Variants in SOST observed in about 807,000 individuals in gnomAD.
SOST encodes sclerostin, also known as sclerosteosis.
SOST carries 14 observed loss-of-function variants against 16.7 expected under a neutral mutation model. The ratio of observed to expected loss-of-function variants is 0.84; its 90% CI spans 0.55 to 1.31. The LOEUF (loss-of-function observed/expected upper bound fraction) is 1.31. SOST is among the 50% of genes most tolerant of loss of function. SOST has a pLI of 0.00. For missense variants in SOST, 291 were observed against 310.7 expected, an observed-to-expected ratio of 0.94 and a Z score of 0.48; for synonymous variants, 150 against 140.9, an observed-to-expected ratio of 1.06 and a Z score of -0.46.
intron 1 of SOST, among the ~76,000 whole-genome samples, chr17:43,756,494 T>C (rs1478288142): frequency 6.6e-6 from 1 of 152,160 alleles, no homozygotes; most frequent in Non-Finnish European, 1.5e-5. Flanking sequence ...AGAAAAGAAC[T>C]TGCCCAAAAG....
At chr17:43,756,094 A>G (rs1974128129) in intron 1 of SOST, among the ~76,000 whole-genome samples, 1 of 152,256 alleles carries the variant, frequency 6.6e-6, no homozygotes, top group Non-Finnish European at 1.5e-5. Context: ...TTAATCCATT[A>G]CACACGCAAT....
In SOST at chr17:43,758,564, C is replaced by T. The variant is rs1286080574; in HGVS notation, c.178G>A (p.Glu60Lys). Residue 60 changes from glutamate to lysine, a missense_variant, in exon 1 of 2, where the codon GAG becomes AAG. By Grantham distance (56) the Glu-to-Lys change is moderately conservative. Coordinates refer to ENST00000301691, the MANE Select transcript of SOST (RefSeq NM_025237.3). The stretch of plus-strand genomic sequence containing the variant: ...TGGTGGGGAGGCCGCCCTCCGTTCT[C>T]CGCCCGGTTCATGGTCTTGTTGTTC... Reference protein sequence around the residue: ...LENNKTMNRAENGGRPPHHPF... With the variant: ...LENNKTMNRAKNGGRPPHHPF... 2.5e-6 allele frequency: 4 copies of T among 1,614,188 alleles called. No homozygotes were observed. Among genetic ancestry groups the T allele is most frequent in the South Asian group, 1.1e-5 (1 of 91,088 alleles).
intron 1 of SOST, among the ~76,000 whole-genome samples, chr17:43,757,947 AG>A: frequency 6.6e-6 from 1 of 152,176 alleles, no homozygotes; most frequent in East Asian, 1.9e-4. Context: ...GCTATCTTGC[AG>A]TTGGATCAAA....
At position 43,758,554 on chromosome 17, in the gene SOST, C is replaced by T; in HGVS notation, c.188G>A (p.Gly63Glu). ...NKTMNRAENGGRPPHHPFETK... is the reference protein window; with the variant it reads ...NKTMNRAENGERPPHHPFETK... ...CTCAAAGGGGTGGTGGGGAGGCCGC[C>T]CTCCGTTCTCCGCCCGGTTCATGGT... The change falls in exon 1 of 2, where the codon GGG becomes GAG. Residue 63 changes from glycine to glutamate, a missense_variant. Transcript: ENST00000301691. 1.2e-6 allele frequency: 2 copies of T among 1,614,158 alleles called. No individual in the cohort carries two copies. The highest frequency in any genetic ancestry group is 1.1e-5 in the South Asian group (1 of 91,088).
chr17:43,755,680 C>T lies in SOST; in HGVS notation c.304G>A (p.Glu102Lys). 2 of 1,567,728 alleles carry T rather than the reference C, an allele frequency of 1.3e-6. No homozygotes were observed. The highest frequency in any genetic ancestry group is 1.2e-5 in the South Asian group (1 of 86,620). Residue 102 changes from glutamate to lysine, a missense_variant, in exon 2 of 2, where the codon GAG becomes AAG. Physicochemically the swap from Glu to Lys is moderately conservative, Grantham distance 56 (BLOSUM62 1). Transcript: ENST00000301691. The surrounding 1 kb of genome is among the most constrained non-coding windows in gnomAD (Gnocchi z 4.3). ...CCGCACTGGCCGGAGCACACCAGCT[C>T]GGTGACCGGCTTGGCGCTGCGGCAC... ...GPCRSAKPVTELVCSGQCGPA... is the reference protein window; with the variant it reads ...GPCRSAKPVTKLVCSGQCGPA...
In SOST at chr17:43,755,734, G is replaced by A. The variant is rs775651591; in HGVS notation, c.250C>T (p.His84Tyr). The A allele has an allele frequency of 4.4e-6, 7 of 1,579,226 alleles. No homozygotes were observed. The highest frequency in any genetic ancestry group is 6.0e-6 in the Non-Finnish European group (7 of 1,171,244). Residue 84 changes from histidine (H) to tyrosine (Y), a missense_variant, in exon 2 of 2, where the codon CAC becomes TAC. Coordinates refer to ENST00000301691, the MANE Select transcript of SOST (RefSeq NM_025237.3). The surrounding 1 kb of genome is among the most constrained non-coding windows in gnomAD (Gnocchi z 4.3). ...CCATCGGTCACGTAGCGGGTGAAGT[G>A]CAGCTCGCGGCAGCTGTACTCGGAC... Reference protein sequence around the residue: ...DVSEYSCRELHFTRYVTDGPC... With the variant: ...DVSEYSCRELYFTRYVTDGPC...
At position 43,758,581 on chromosome 17, in the gene SOST, T is replaced by A; in HGVS notation, c.161A>T (p.Lys54Met). 1 of 1,614,002 alleles carries A rather than the reference T, an allele frequency of 6.2e-7. No homozygotes were observed. Among genetic ancestry groups the A allele is most frequent in the Non-Finnish European group, 8.5e-7 (1 of 1,179,888 alleles). Residue 54 changes from lysine (K) to methionine (M), a missense_variant, in exon 1 of 2, where the codon AAG becomes ATG. Transcript: ENST00000301691. ...TCCGTTCTCCGCCCGGTTCATGGTCTTGTTGTTCTCCAGCTCCGGTGGAGG... is the reference window on the plus strand; with the variant it reads ...TCCGTTCTCCGCCCGGTTCATGGTCATGTTGTTCTCCAGCTCCGGTGGAGG... ...PEPPPELENN[K>M]TMNRAENGGR...
chr17:43,756,158 T>C (rs560762158), intron 1 of SOST, among the ~76,000 whole-genome samples: 1 of 152,334 alleles, frequency 6.6e-6, no homozygotes, highest in African/African-American at 2.4e-5. Flanking sequence ...TTATGTATTA[T>C]TATTATCATT....
At chr17:43,757,056 G>A (rs1399789855) in intron 1 of SOST, among the ~76,000 whole-genome samples, 1 of 152,206 alleles carries the variant, frequency 6.6e-6, no homozygotes, top group Non-Finnish European at 1.5e-5. Context: ...CACTGCCATC[G>A]TCTGGGGCTG....
rs779644262 is a variant in SOST, at chr17:43,755,339, G to A, written c.*3C>T. Reference sequence around the variant, plus strand: ...CGCCGGTGGGGAGGGGCGCGGGCGGGCTCTAGTAGGCGTTCTCCAGCTCGG... The same window carrying A: ...CGCCGGTGGGGAGGGGCGCGGGCGGACTCTAGTAGGCGTTCTCCAGCTCGG... On this transcript the variant is annotated 3_prime_UTR_variant, in exon 2 of 2. Coordinates refer to ENST00000301691, the MANE Select transcript of SOST (RefSeq NM_025237.3). This position sits in a 1 kb window ranked among gnomAD's most constrained non-coding sequence, Gnocchi z 4.3. 5.1e-6 allele frequency: 8 copies of A among 1,566,496 alleles called. No individual in the cohort carries two copies. Among genetic ancestry groups the A allele is most frequent in the South Asian group, 2.3e-5 (2 of 86,858 alleles).
chr17:43,756,701 A>G (rs570920774), intron 1 of SOST, among the ~76,000 whole-genome samples: 4 of 152,222 alleles, frequency 2.6e-5, no homozygotes, highest in African/African-American at 9.6e-5. Context: ...CAGCTGCCAC[A>G]AACATTGACC....
In SOST at chr17:43,755,214, G is replaced by A; in HGVS notation, c.*128C>T. The A allele has an allele frequency of 1.0e-6, 1 of 982,490 alleles. No homozygotes were observed. The highest frequency in any genetic ancestry group is 1.4e-6 in the Non-Finnish European group (1 of 709,436). 60.9% of individuals were successfully genotyped at this position (982,490 alleles called of 1,614,324 possible). A position where few individuals can be genotyped will look rare whatever the true frequency, so the allele number is the denominator to read the frequency against. On this transcript the variant is annotated 3_prime_UTR_variant, in exon 2 of 2. Transcript: ENST00000301691. The surrounding 1 kb of genome is among the most constrained non-coding windows in gnomAD (Gnocchi z 4.3). ...ATTCCTCAGGGCCTGGAAGGTCTCA[G>A]CCCCCTGCCCTGGGTTGCAGGCATT...
At chr17:43,758,062 T>G (rs1974149984) in intron 1 of SOST, among the ~76,000 whole-genome samples, 1 of 152,158 alleles carries the variant, frequency 6.6e-6, no homozygotes, top group South Asian at 2.1e-4. Context: ...TTCCATGATG[T>G]GGGTCTGTGT....
chr17:43,755,618 G>C lies in SOST; in HGVS notation c.366C>G (p.Gly122=). Residue 122 remains glycine (G), a synonymous_variant, in exon 2 of 2, where the codon GGC becomes GGG. Transcript: ENST00000301691. This position sits in a 1 kb window ranked among gnomAD's most constrained non-coding sequence, Gnocchi z 4.3. The part of the protein sequence containing the change: ...ARLLPNAIGR[G]KWWRPSGPDF... The stretch of plus-strand genomic sequence containing the variant: ...CGGGCCCACTAGGTCGCCACCACTT[G>C]CCGCGGCCGATGGCGTTGGGCAGCA... The C allele has an allele frequency of 1.3e-6, 2 of 1,584,704 alleles. No individual in the cohort carries two copies. The highest frequency in any genetic ancestry group is 1.7e-6 in the Non-Finnish European group (2 of 1,172,302).
chr17:43,755,340 C>T lies in SOST; in HGVS notation c.*2G>A. 1 of 1,569,042 alleles carries T rather than the reference C, an allele frequency of 6.4e-7. No homozygotes were observed. The highest frequency in any genetic ancestry group is 8.6e-7 in the Non-Finnish European group (1 of 1,168,320). The stretch of plus-strand genomic sequence containing the variant: ...GCCGGTGGGGAGGGGCGCGGGCGGG[C>T]TCTAGTAGGCGTTCTCCAGCTCGGC... On this transcript the variant is annotated 3_prime_UTR_variant, in exon 2 of 2. Transcript: ENST00000301691. The surrounding 1 kb of genome is among the most constrained non-coding windows in gnomAD (Gnocchi z 4.3).
At position 43,755,385 on chromosome 17, in the gene SOST, C is replaced by T. The variant is rs763425001; in HGVS notation, c.599G>A (p.Arg200Gln). Reference protein sequence around the residue: ...QKGRKPRPRARSAKANQAELE... With the variant: ...QKGRKPRPRAQSAKANQAELE... ...CTCGGCCTGGTTGGCTTTGGCGCTC[C>T]GGGCGCGGGGCCGCGGCTTCCGGCC... Residue 200 changes from arginine to glutamine, a missense_variant, in exon 2 of 2, where the codon CGG becomes CAG. Transcript: ENST00000301691. This position sits in a 1 kb window ranked among gnomAD's most constrained non-coding sequence, Gnocchi z 4.3. The T allele has an allele frequency of 2.5e-6, 4 of 1,588,592 alleles. No homozygotes were observed. Among genetic ancestry groups the T allele is most frequent in the Admixed American group, 1.7e-5 (1 of 59,366 alleles).
In SOST at chr17:43,755,436, C is replaced by T. The variant is rs1304696889; in HGVS notation, c.548G>A (p.Gly183Glu). 2.5e-6 allele frequency: 4 copies of T among 1,595,670 alleles called. No homozygotes were observed. ...CTTCTGCGGCCGAGCGGCCTCGGTC[C>T]CGAAGTCCTTGAGCTCCGACTGGTT... ...FHNQSELKDFGTEAARPQKGR... is the reference protein window; with the variant it reads ...FHNQSELKDFETEAARPQKGR... Residue 183 changes from glycine (G) to glutamate (E), a missense_variant, in exon 2 of 2, where the codon GGG becomes GAG. Gly to Glu is a moderately conservative substitution (Grantham distance 98). Transcript: ENST00000301691. The surrounding 1 kb of genome is among the most constrained non-coding windows in gnomAD (Gnocchi z 4.3).
Position 43,755,476 on chromosome 17 carries a change from G to A in SOST, c.508C>T (p.Leu170Phe), listed in dbSNP as rs547034446. The change falls in exon 2 of 2, where the codon CTC (leucine) becomes TTC (phenylalanine). Residue 170 changes from leucine (L) to phenylalanine (F), a missense_variant. Physicochemically the swap from Leu to Phe is conservative, Grantham distance 22 (BLOSUM62 0). Transcript: ENST00000301691. The surrounding 1 kb of genome is among the most constrained non-coding windows in gnomAD (Gnocchi z 4.3). The part of the protein sequence containing the change: ...RLVASCKCKR[L>F]TRFHNQSELK... ...TCCGACTGGTTGTGGAAGCGGGTGA[G>A]GCGCTTGCACTTGCACGAGGCCACC... 4.4e-6 allele frequency: 7 copies of A among 1,597,400 alleles called. No individual in the cohort carries two copies. Among genetic ancestry groups the A allele is most frequent in the African/African-American group, 1.3e-5 (1 of 74,202 alleles).
chr17:43,755,595 G>T lies in SOST; in HGVS notation c.389C>A (p.Pro130His). 1 of 1,590,704 alleles carries T rather than the reference G, an allele frequency of 6.3e-7. No homozygotes were observed. Residue 130 changes from proline (P) to histidine (H), a missense_variant, in exon 2 of 2, where the codon CCC (proline) becomes CAC (histidine). By Grantham distance (77) the Pro-to-His change is moderately conservative (BLOSUM62 -2). Coordinates refer to ENST00000301691, the MANE Select transcript of SOST (RefSeq NM_025237.3). This position sits in a 1 kb window ranked among gnomAD's most constrained non-coding sequence, Gnocchi z 4.3. The part of the protein sequence containing the change: ...GRGKWWRPSG[P>H]DFRCIPDRYR... ...GCGGTCGGGGATGCAGCGGAAGTCG[G>T]GCCCACTAGGTCGCCACCACTTGCC... is the stretch of plus-strand genomic sequence containing the variant.
Sources: gnomAD v4.1 joint callset for allele counts (sites outside exome capture counted in the v4.1 genomes callset) on GRCh38, gnomAD v4.1.1 for gene constraint, Gnocchi (gnomAD v3.1) non-coding constraint, MANE v1.5 for transcripts, NCBI Gene and HGNC (gene_info 2026-07-23, HGNC 2026-07-21) for gene names.